The following BDH1 variants were observed in gnomAD, a reference collection of about 807,000 sequenced individuals.
The protein encoded by BDH1 is D-beta-hydroxybutyrate dehydrogenase, mitochondrial.
BDH1 carries 30 observed loss-of-function variants against 33.1 expected under a neutral mutation model. The observed-to-expected ratio is 0.91, with a 90% CI of 0.68 to 1.23. BDH1 has a LOEUF of 1.23. Among genes scored for constraint, BDH1 ranks in the 50% most tolerant of loss-of-function variants. The probability of loss-of-function intolerance (pLI) is 0.00; values close to 1 mark genes in which losing one functional copy is unlikely to be tolerated. For missense variants in BDH1, 443 were observed against 464.4 expected, an observed-to-expected ratio of 0.95 and a Z score of 0.42; for synonymous variants, 190 against 183.6, an observed-to-expected ratio of 1.03 and a Z score of -0.28.
At chr3:197,542,041 C>G (rs1479243872) in intron 3 of BDH1, among the ~76,000 whole-genome samples, 1 of 152,236 alleles carries the variant, frequency 6.6e-6, no homozygotes, top group African/African-American at 2.4e-5. Context: ...GGTCACGTGA[C>G]CTGCCTCTGG....
At chr3:197,541,317 G>A (rs1285752144) in intron 3 of BDH1, among the ~76,000 whole-genome samples, 1 of 152,210 alleles carries the variant, frequency 6.6e-6, no homozygotes, top group East Asian at 1.9e-4. Flanking sequence ...GGTCCTGGGG[G>A]AAGAACTGGT....
intron 3 of BDH1, chr3:197,538,192 G>A (rs989290626): frequency 4.6e-6 from 2 of 435,998 alleles, no homozygotes; most frequent in African/African-American, 4.1e-5. Flanking sequence ...CATCTTCCCA[G>A]AAGCGGAGGT....
intron 3 of BDH1, chr3:197,543,041 A>G: frequency 1.0e-6 from 1 of 985,392 alleles, no homozygotes; most frequent in African/African-American, 1.7e-5. Context: ...CAGGGCGTTC[A>G]TTCTGGCTTC....
In BDH1 at chr3:197,522,992, A is replaced by G. The variant is rs998620125; in HGVS notation, c.268-211T>C. The G allele has an allele frequency of 1.1e-5, 6 of 563,966 alleles. No homozygotes were observed. The highest frequency in any genetic ancestry group is 3.3e-5 in the Admixed American group (1 of 29,934). The allele number at this position is 563,966 out of a possible 1,614,324, so 34.9% of individuals were successfully genotyped here. A position where few individuals can be genotyped will look rare whatever the true frequency, so the allele number is the denominator to read the frequency against. Reference sequence around the variant, plus strand: ...AAGCATCAAGCTATGTGCCACAGACACAACCATGAATAGGATGAAGAGCCG... The same window carrying G: ...AAGCATCAAGCTATGTGCCACAGACGCAACCATGAATAGGATGAAGAGCCG... On this transcript the variant is annotated intron_variant, in intron 5 of 7. Coordinates refer to ENST00000392379, the MANE Select transcript of BDH1 (RefSeq NM_203314.3). This position sits in a 1 kb window ranked among gnomAD's most constrained non-coding sequence, Gnocchi z 4.8.
Position 197,528,029 on chromosome 3 carries a change from T to TC in BDH1, c.267+4382dup, listed in dbSNP as rs1050378938. ...TACTTATCTTATTCCTTGCCTATCA[T>TC]CCCCCCTTGGAATATAAGCTCCGCA... On this transcript the variant is annotated intron_variant, in intron 5 of 7. Coordinates refer to ENST00000392379, the MANE Select transcript of BDH1 (RefSeq NM_203314.3). This position sits in a 1 kb window ranked among gnomAD's most constrained non-coding sequence, Gnocchi z 5.1. 5.3e-5 allele frequency among the ~76,000 whole-genome samples: 8 copies of TC among 152,152 alleles called. No homozygotes were observed. The highest frequency in any genetic ancestry group is 2.1e-4 in the South Asian group (1 of 4,812).
In BDH1 at chr3:197,528,964, G is replaced by A. The variant is rs1714391812; in HGVS notation, c.267+3448C>T. 6.6e-6 allele frequency: 1 copy of A among 152,252 alleles called. No homozygotes were observed. Among genetic ancestry groups the A allele is most frequent in the Admixed American group, 6.5e-5 (1 of 15,286 alleles). The allele number at this position is 152,252 out of a possible 1,614,324, so 9.4% of individuals were successfully genotyped here. A position where few individuals can be genotyped will look rare whatever the true frequency, so the allele number is the denominator to read the frequency against. On this transcript the variant is annotated intron_variant, in intron 5 of 7. Coordinates refer to ENST00000392379, the MANE Select transcript of BDH1 (RefSeq NM_203314.3). The surrounding 1 kb of genome is among the most constrained non-coding windows in gnomAD (Gnocchi z 5.1). ...GTGTCACTGGATAAGCCAGCACAATGGCACAGAAGCCTAACATAGGACAAG... is the reference window on the plus strand; with the variant it reads ...GTGTCACTGGATAAGCCAGCACAATAGCACAGAAGCCTAACATAGGACAAG...
chr3:197,547,143 GTTAAAGCAAC>G (rs1297266104), intron 2 of BDH1, among the ~76,000 whole-genome samples: 1 of 152,146 alleles, frequency 6.6e-6, no homozygotes, highest in Non-Finnish European at 1.5e-5. Flanking sequence ...ACCATTTGAG[GTTAAAGCAAC>G]CTTATTGCAA....
At chr3:197,571,510 T>TC (rs35636337) in intron 1 of BDH1, among the ~76,000 whole-genome samples, 12 of 152,102 alleles carry the variant, frequency 7.9e-5, no homozygotes, top group African/African-American at 2.2e-4. Context: ...TTGAGGTGGT[T>TC]CCCCCCGTAG....
At chr3:197,533,236 C>CCG (rs377001473) in intron 4 of BDH1, among the ~76,000 whole-genome samples, 3 of 151,868 alleles carry the variant, frequency 2.0e-5, no homozygotes, top group Admixed American at 1.3e-4. Context: ...TCTCGCCCCC[C>CCG]ACCTAGGCCT....
chr3:197,547,468 G>T (rs1277825550), intron 2 of BDH1, among the ~76,000 whole-genome samples: 1 of 152,240 alleles, frequency 6.6e-6, no homozygotes, highest in South Asian at 2.1e-4. Flanking sequence ...AGTGTTAACT[G>T]AGCAACCACT....
rs1711959374 is a variant in BDH1 at position 197,510,952 on chromosome 3, G to A, written c.*943C>T. On this transcript the variant is annotated 3_prime_UTR_variant, in exon 8 of 8. Transcript: ENST00000392379. ...CTAAAAGAGGATGGAAAAATCTCAAGTAAAAATCTCATGCCTGTAATCCCA... is the reference window on the plus strand; with the variant it reads ...CTAAAAGAGGATGGAAAAATCTCAAATAAAAATCTCATGCCTGTAATCCCA... The A allele has an allele frequency of 6.6e-6, 1 of 152,080 alleles. No individual in the cohort carries two copies. The highest frequency in any genetic ancestry group is 2.4e-5 in the African/African-American group (1 of 41,374). 9.4% of individuals were successfully genotyped at this position (152,080 alleles called of 1,614,324 possible). A position where few individuals can be genotyped will look rare whatever the true frequency, so the allele number is the denominator to read the frequency against.
In BDH1 at chr3:197,521,010, G is replaced by C. The variant is rs1023955048; in HGVS notation, c.409+1630C>G. On this transcript the variant is annotated intron_variant, in intron 6 of 7. Coordinates refer to ENST00000392379, the MANE Select transcript of BDH1 (RefSeq NM_203314.3). The surrounding 1 kb of genome is among the most constrained non-coding windows in gnomAD (Gnocchi z 4.9). ...CGACAGCCACACACGCAGCCTCTGA[G>C]GCAGCTGCTGTGACAGACAGCACAT... 1.3e-5 allele frequency among the ~76,000 whole-genome samples: 2 copies of C among 152,132 alleles called. No individual in the cohort carries two copies. The highest frequency in any genetic ancestry group is 4.8e-5 in the African/African-American group (2 of 41,416).
rs145446495 is a variant in BDH1 at position 197,523,609 on chromosome 3, C to T, written c.268-828G>A. Among the ~76,000 whole-genome samples the T allele has an allele frequency of 2.4e-3, 371 of 152,254 alleles. No individual in the cohort carries two copies. Among genetic ancestry groups the T allele is most frequent in the African/African-American group, 7.9e-3 (330 of 41,534 alleles). On this transcript the variant is annotated intron_variant, in intron 5 of 7. Transcript: ENST00000392379. This position sits in a 1 kb window ranked among gnomAD's most constrained non-coding sequence, Gnocchi z 4.5. ...CATTTCTTGGGCCCCTATCGTGTTC[C>T]GGCACTGTGCTAGGAACTGGAGGTC...
chr3:197,538,668 T>C (rs80305448), intron 3 of BDH1: 4,404 of 234,046 alleles, frequency 0.019, 112 homozygotes, highest in East Asian at 0.1. Flanking sequence ...TCAAATTTTG[T>C]ACCATGTAAA....
At chr3:197,530,557 CAA>C (rs1269565774) in intron 5 of BDH1, 3 of 147,862 alleles carry the variant, frequency 2.0e-5, no homozygotes, top group Non-Finnish European at 4.5e-5. Flanking sequence ...GCCTGGGCAA[CAA>C]GAGCAAAACT....
chr3:197,539,660 A>T (rs1398545397), intron 3 of BDH1, among the ~76,000 whole-genome samples: 2 of 152,204 alleles, frequency 1.3e-5, no homozygotes, highest in Non-Finnish European at 2.9e-5. Context: ...CCTGCACTGG[A>T]TGGATCAGCT....
At position 197,523,221 on chromosome 3, in the gene BDH1, T is replaced by A. The variant is rs1311064236; in HGVS notation, c.268-440A>T. ...TAAGTGTTGGCAACTTACACACATT[T>A]AAAAAAAAAAACAAAAAAACACTGT... On this transcript the variant is annotated intron_variant, in intron 5 of 7. Transcript: ENST00000392379. The surrounding 1 kb of genome is among the most constrained non-coding windows in gnomAD (Gnocchi z 4.5). 4 of 150,946 alleles carry A rather than the reference T, an allele frequency of 2.6e-5. No homozygotes were observed. The highest frequency in any genetic ancestry group is 6.8e-5 in the Admixed American group (1 of 14,682). The allele number at this position is 150,946 out of a possible 1,614,324, so 9.4% of individuals were successfully genotyped here.
At chr3:197,571,281 G>T (rs924077835) in intron 1 of BDH1, among the ~76,000 whole-genome samples, 7 of 152,162 alleles carry the variant, frequency 4.6e-5, no homozygotes, top group African/African-American at 1.7e-4. Flanking sequence ...GTAAGACTTT[G>T]GACTGTGGAC....
intron 3 of BDH1, among the ~76,000 whole-genome samples, chr3:197,535,920 C>T (rs547028618): frequency 6.6e-6 from 1 of 152,200 alleles, no homozygotes; most frequent in East Asian, 1.9e-4. Flanking sequence ...TGGCTCACGC[C>T]TTTAAGTCCC....
Sources: allele counts gnomAD v4.1 joint callset (sites outside exome capture counted in the v4.1 genomes callset), GRCh38; gene constraint gnomAD v4.1.1; non-coding constraint Gnocchi (gnomAD v3.1); transcripts MANE v1.5; gene names NCBI Gene and HGNC (gene_info 2026-07-23, HGNC 2026-07-21).